Variants in FHIP1A observed in about 807,000 individuals in gnomAD.
The protein encoded by FHIP1A is FHF complex subunit HOOK-interacting protein 1A.
FHIP1A carries 61 observed loss-of-function variants against 88.6 expected under a neutral mutation model. The ratio of observed to expected loss-of-function variants is 0.69; its 90% CI spans 0.56 to 0.85. The LOEUF (loss-of-function observed/expected upper bound fraction) is 0.85. Among genes scored for constraint, FHIP1A ranks in the 40% least tolerant of loss-of-function variants. FHIP1A has a pLI of 0.00. For missense variants in FHIP1A, 1,154 were observed against 1,273.5 expected (o/e 0.91, Z 1.43); for synonymous variants, 478 against 496.0 (o/e 0.96, Z 0.48).
intron 3 of FHIP1A, among the ~76,000 whole-genome samples, chr4:151,522,132 C>CT (rs1295252894): frequency 6.6e-6 from 1 of 152,174 alleles, no homozygotes; most frequent in Non-Finnish European, 1.5e-5. Context: ...AGGCTGTCCC[C>CT]TTTTTCTCTC....
chr4:151,608,307 A>C (rs1228796988), intron 7 of FHIP1A, among the ~76,000 whole-genome samples: 2 of 151,698 alleles, frequency 1.3e-5, no homozygotes, highest in African/African-American at 2.4e-5. Flanking sequence ...AGCCTCCCAA[A>C]GTGCTGGGAT....
intron 2 of FHIP1A, among the ~76,000 whole-genome samples, chr4:151,470,961 C>T (rs1729489041): frequency 6.6e-6 from 1 of 152,130 alleles, no homozygotes; most frequent in South Asian, 2.1e-4. Context: ...GCCTACAATG[C>T]TGGCTGGCGT....
intron 4 of FHIP1A, chr4:151,576,996 TG>T (rs1733815012): frequency 6.5e-6 from 1 of 153,676 alleles, no homozygotes; most frequent in African/African-American, 2.4e-5. Context: ...TTTAAGAATT[TG>T]TCACGACTTT....
At position 151,485,783 on chromosome 4, in the gene FHIP1A, G is replaced by T. The variant is rs984197999; in HGVS notation, c.-123+3135G>T. ...ATTTTTTTATTTTTTGTAGAGACGG[G>T]TTTCACCATGTTGCCCCACCTTCTT... On this transcript the variant is annotated intron_variant, in intron 3 of 13. Coordinates refer to ENST00000435205, the MANE Select transcript of FHIP1A (RefSeq NM_001109977.3). Among the ~76,000 whole-genome samples, 2 of 151,928 alleles carry T rather than the reference G, an allele frequency of 1.3e-5. 1 individual carries two copies. The highest frequency in any genetic ancestry group is 2.9e-5 in the Non-Finnish European group (2 of 67,982).
At chr4:151,510,340 C>T (rs901881974) in intron 3 of FHIP1A, among the ~76,000 whole-genome samples, 2 of 152,110 alleles carry the variant, frequency 1.3e-5, no homozygotes, top group African/African-American at 4.8e-5. Flanking sequence ...AACTCCTGGC[C>T]TCAAGCTGTC....
chr4:151,501,154 G>A, intron 3 of FHIP1A, among the ~76,000 whole-genome samples: 1 of 152,158 alleles, frequency 6.6e-6, no homozygotes, highest in South Asian at 2.1e-4. Context: ...AAATAAACTT[G>A]CCATATATGG....
chr4:151,438,507 TA>T (rs58619356), intron 1 of FHIP1A, among the ~76,000 whole-genome samples: 3 of 149,676 alleles, frequency 2.0e-5, no homozygotes, highest in Admixed American at 2.0e-4. Flanking sequence ...TTTGTTTAAC[TA>T]AAAAACAAAA....
intron 8 of FHIP1A, 42 bp from the exon 9 acceptor site, chr4:151,638,635 G>A (rs1188678190): frequency 2.4e-5 from 29 of 1,230,846 alleles, no homozygotes; most frequent in East Asian, 2.6e-5. Context: ...TAGAGTTATC[G>A]TTCCAACATC....
chr4:151,565,195 A>G (rs1035089612), intron 3 of FHIP1A, among the ~76,000 whole-genome samples: 2 of 152,152 alleles, frequency 1.3e-5, no homozygotes, highest in Admixed American at 1.3e-4. Flanking sequence ...GAAAAAAAAT[A>G]ATATTTTGAA....
Position 151,577,910 on chromosome 4 carries a change from A to AC in FHIP1A, c.568dup (p.Gln190ProfsTer39). 1 of 1,551,674 alleles carries AC rather than the reference A, an allele frequency of 6.4e-7. No individual in the cohort carries two copies. The highest frequency in any genetic ancestry group is 8.7e-7 in the Non-Finnish European group (1 of 1,146,980). ...GAACTCTTCTTCCACACTAGTGAAG[A>AC]CCAAGGCGCTGCCAACTTCCTCATC... On this transcript the variant is annotated frameshift_variant, in exon 5 of 14. Transcript: ENST00000435205. LOFTEE classifies it high-confidence loss of function.
At chr4:151,471,089 T>C (rs1201817474) in intron 2 of FHIP1A, among the ~76,000 whole-genome samples, 2 of 152,080 alleles carry the variant, frequency 1.3e-5, no homozygotes. Context: ...TGAATGCATA[T>C]AGATGAGGGA....
chr4:151,583,187 G>A (rs1019280056), intron 5 of FHIP1A, among the ~76,000 whole-genome samples: 1 of 152,172 alleles, frequency 6.6e-6, no homozygotes, highest in African/African-American at 2.4e-5. Context: ...GTCTAGGAAG[G>A]GAGGATATAA....
At position 151,489,101 on chromosome 4, in the gene FHIP1A, A is replaced by C. The variant is rs535295464; in HGVS notation, c.-123+6453A>C. On this transcript the variant is annotated intron_variant, in intron 3 of 13. Transcript: ENST00000435205. ...AGCTTACCGCTGCAAACTCTACGTG[A>C]GTTCCCAAGGTGTGAGAGGAGGAGA... is the stretch of plus-strand genomic sequence containing the variant. Among the ~76,000 whole-genome samples, 6 of 152,342 alleles carry C rather than the reference A, an allele frequency of 3.9e-5. No homozygotes were observed. The South Asian group carries it at 1.2e-3, about 32-fold the overall frequency.
chr4:151,433,973 G>A (rs1265414871), intron 1 of FHIP1A, among the ~76,000 whole-genome samples: 1 of 152,080 alleles, frequency 6.6e-6, no homozygotes, highest in Non-Finnish European at 1.5e-5. Flanking sequence ...TCAGTGTTTC[G>A]AAGAGCAACT....
rs114252954 is a variant in FHIP1A, at chr4:151,531,128, A to G, written c.-122-35010A>G. Among the ~76,000 whole-genome samples, 151 of 152,066 alleles carry G rather than the reference A, an allele frequency of 9.9e-4. 3 individuals are homozygous for G. The South Asian group carries it at 0.029, about 30-fold the overall frequency. On this transcript the variant is annotated intron_variant, in intron 3 of 13. Coordinates refer to ENST00000435205, the MANE Select transcript of FHIP1A (RefSeq NM_001109977.3). ...GTATGAAGATAATTATCATGCTTCTAATGTATTTGGGAGCTGAGGTATTTT... is the reference window on the plus strand; with the variant it reads ...GTATGAAGATAATTATCATGCTTCTGATGTATTTGGGAGCTGAGGTATTTT...
intron 2 of FHIP1A, among the ~76,000 whole-genome samples, chr4:151,477,160 A>C (rs150895233): frequency 6.6e-6 from 1 of 152,354 alleles, no homozygotes; most frequent in Non-Finnish European, 1.5e-5. Flanking sequence ...CAAATAGGAC[A>C]ATTCTGAAAA....
At chr4:151,425,032 A>T (rs1561489205) in intron 1 of FHIP1A, among the ~76,000 whole-genome samples, 1 of 152,198 alleles carries the variant, frequency 6.6e-6, no homozygotes, top group Non-Finnish European at 1.5e-5. Context: ...GATGGATTGG[A>T]CTAATAACCC....
chr4:151,435,642 A>G (rs971329646), intron 1 of FHIP1A, among the ~76,000 whole-genome samples: 1 of 152,030 alleles, frequency 6.6e-6, no homozygotes, highest in Non-Finnish European at 1.5e-5. Flanking sequence ...AAAATTAGCC[A>G]GGTGTGGTGG....
chr4:151,427,929 A>G (rs1002156851), intron 1 of FHIP1A, among the ~76,000 whole-genome samples: 1 of 152,198 alleles, frequency 6.6e-6, no homozygotes, highest in Admixed American at 6.5e-5. Context: ...GATGGTGATT[A>G]TTAAATTTCT....
Sources: allele counts gnomAD v4.1 joint callset (sites outside exome capture counted in the v4.1 genomes callset), GRCh38; gene constraint gnomAD v4.1.1; transcripts MANE v1.5; gene names NCBI Gene and HGNC (gene_info 2026-07-23, HGNC 2026-07-21).